PPP2R5E: variants seen among roughly 807,000 people sequenced by gnomAD.
The protein encoded by PPP2R5E is serine/threonine-protein phosphatase 2A 56 kDa regulatory subunit epsilon isoform.
In PPP2R5E, 4 loss-of-function variants were observed where a neutral mutation model predicts 65.3. The ratio of observed to expected loss-of-function variants is 0.06; its 90% CI spans 0.03 to 0.14. The LOEUF is 0.14. PPP2R5E is among the 10% of genes least tolerant of loss of function. PPP2R5E has a pLI of 1.00. For missense variants in PPP2R5E, 274 were observed against 556.1 expected, an observed-to-expected ratio of 0.49 and a Z score of 5.10; for synonymous variants, 183 against 187.4, an observed-to-expected ratio of 0.98 and a Z score of 0.19.
At chr14:63,387,133 A>C (rs1373015682) in intron 11 of PPP2R5E, among the ~76,000 whole-genome samples, 1 of 152,110 alleles carries the variant, frequency 6.6e-6, no homozygotes, top group Non-Finnish European at 1.5e-5. Context: ...GAAAAAAAGG[A>C]GTAAGAATGA....
intron 2 of PPP2R5E, among the ~76,000 whole-genome samples, chr14:63,510,537 C>A (rs2139696620): frequency 6.6e-6 from 1 of 152,298 alleles, no homozygotes; most frequent in South Asian, 2.1e-4. Context: ...CATTGACAGC[C>A]TCTCTGAGAA....
chr14:63,500,412 T>C (rs1351717894), intron 2 of PPP2R5E, among the ~76,000 whole-genome samples: 1 of 152,174 alleles, frequency 6.6e-6, no homozygotes, highest in Non-Finnish European at 1.5e-5. Context: ...ACCAGCTAAG[T>C]CTTTGTGACA....
At chr14:63,380,588 G>A (rs1884291099) in intron 13 of PPP2R5E, among the ~76,000 whole-genome samples, 2 of 152,034 alleles carry the variant, frequency 1.3e-5, no homozygotes, top group South Asian at 2.1e-4. Context: ...CATGAACCTG[G>A]GAGGCGGAGC....
chr14:63,387,362 T>C (rs1341985052), intron 11 of PPP2R5E, among the ~76,000 whole-genome samples: 1 of 152,210 alleles, frequency 6.6e-6, no homozygotes, highest in African/African-American at 2.4e-5. Flanking sequence ...GTATTGTTTA[T>C]GCAAAGTTAA....
At chr14:63,504,976 A>C (rs1305193728) in intron 2 of PPP2R5E, among the ~76,000 whole-genome samples, 1 of 152,224 alleles carries the variant, frequency 6.6e-6, no homozygotes, top group Non-Finnish European at 1.5e-5. Context: ...GTAATCAAGA[A>C]AGATTTCATT....
chr14:63,505,582 T>C (rs1169464768), intron 2 of PPP2R5E, among the ~76,000 whole-genome samples: 1 of 152,216 alleles, frequency 6.6e-6, no homozygotes, highest in Non-Finnish European at 1.5e-5. Context: ...AAGCAGTCCT[T>C]GATAAAGTAT....
intron 2 of PPP2R5E, among the ~76,000 whole-genome samples, chr14:63,530,091 C>A (rs79613317): frequency 1.3e-5 from 2 of 152,072 alleles, no homozygotes; most frequent in Non-Finnish European, 2.9e-5. Context: ...GCAATCAATT[C>A]TCTCCTCCAA....
At chr14:63,540,387 C>T (rs1279862202) in intron 1 of PPP2R5E, among the ~76,000 whole-genome samples, 5 of 139,266 alleles carry the variant, frequency 3.6e-5, no homozygotes, top group African/African-American at 1.4e-4. Flanking sequence ...GCCAAGATGG[C>T]ACCACTGCAC....
At chr14:63,487,142 C>T (rs954455661) in intron 2 of PPP2R5E, among the ~76,000 whole-genome samples, 47 of 152,252 alleles carry the variant, frequency 3.1e-4, no homozygotes, top group South Asian at 2.1e-3. Context: ...ATATTTCCTA[C>T]CTTAGGAAGA....
chr14:63,536,388 G>T (rs1158153879), intron 2 of PPP2R5E, among the ~76,000 whole-genome samples: 1 of 152,132 alleles, frequency 6.6e-6, no homozygotes, highest in Non-Finnish European at 1.5e-5. Context: ...CAGAAAATGA[G>T]TGATGGTGAG....
At chr14:63,525,800 T>TA (rs1446559250) in intron 2 of PPP2R5E, among the ~76,000 whole-genome samples, 3 of 152,190 alleles carry the variant, frequency 2.0e-5, no homozygotes, top group Non-Finnish European at 2.9e-5. Context: ...GCAATAAACT[T>TA]AAAAGCCTAT....
intron 5 of PPP2R5E, among the ~76,000 whole-genome samples, chr14:63,409,118 A>G (rs1886250650): frequency 6.6e-6 from 1 of 152,212 alleles, no homozygotes; most frequent in Admixed American, 6.5e-5. Context: ...CTGTAATCCC[A>G]GCTACTCAGG....
intron 2 of PPP2R5E, among the ~76,000 whole-genome samples, chr14:63,459,281 G>A (rs1016127357): frequency 6.6e-6 from 1 of 152,112 alleles, no homozygotes; most frequent in African/African-American, 2.4e-5. Flanking sequence ...CCAAATCATT[G>A]CTATCAATTT....
At chr14:63,435,898 C>T (rs1887931774) in intron 3 of PPP2R5E, among the ~76,000 whole-genome samples, 1 of 152,144 alleles carries the variant, frequency 6.6e-6, no homozygotes, top group South Asian at 2.1e-4. Flanking sequence ...TGTACTCGCT[C>T]CAAAATTGGA....
chr14:63,403,478 T>C (rs536179057), intron 5 of PPP2R5E, among the ~76,000 whole-genome samples: 1 of 151,430 alleles, frequency 6.6e-6, no homozygotes, highest in Non-Finnish European at 1.5e-5. Flanking sequence ...CATGCTTTCT[T>C]AGGAAGAATC....
chr14:63,464,422 G>T (rs1242188383), intron 2 of PPP2R5E, among the ~76,000 whole-genome samples: 1 of 152,100 alleles, frequency 6.6e-6, no homozygotes, highest in Non-Finnish European at 1.5e-5. Flanking sequence ...GGCTGTCTGG[G>T]GAAGAGTGTC....
intron 3 of PPP2R5E, among the ~76,000 whole-genome samples, chr14:63,446,940 A>G (rs1888514615): frequency 6.6e-6 from 1 of 152,126 alleles, no homozygotes; most frequent in Non-Finnish European, 1.5e-5. Flanking sequence ...ACTTTGGGGG[A>G]AAAGAAAAAC....
At position 63,381,951 on chromosome 14, in the gene PPP2R5E, T is replaced by C. The variant is rs1884390733; in HGVS notation, c.1304+105A>G. ...AAGTAATGCATGACTGTAAACAAAA[T>C]TGTGCTGCTTAAGATTTGGGGTACA... is the stretch of plus-strand genomic sequence containing the variant. On this transcript the variant is annotated intron_variant, in intron 13 of 13. Transcript: ENST00000337537. 3 of 825,638 alleles carry C rather than the reference T, an allele frequency of 3.6e-6. No homozygotes were observed. The South Asian group carries it at 5.5e-5, about 15-fold the overall frequency. 51.1% of individuals were successfully genotyped at this position (825,638 alleles called of 1,614,324 possible).
chr14:63,392,139 A>G, intron 8 of PPP2R5E, 114 bp from the exon 9 acceptor site: 1 of 652,990 alleles, frequency 1.5e-6, no homozygotes, highest in Non-Finnish European at 2.5e-6. Flanking sequence ...ATAACTTCAC[A>G]TTCAATTCAT....
Sources: allele counts gnomAD v4.1 joint callset (sites outside exome capture counted in the v4.1 genomes callset), GRCh38; gene constraint gnomAD v4.1.1; transcripts MANE v1.5; gene names NCBI Gene and HGNC (gene_info 2026-07-23, HGNC 2026-07-21).